Variants in COBLL1 observed in about 807,000 individuals in gnomAD.
The protein encoded by COBLL1 is cordon-bleu WH2 repeat protein like 1.
In COBLL1, 50 loss-of-function variants were observed where a neutral mutation model predicts 94.8. That is an observed-to-expected ratio of 0.53 (90% CI 0.42 to 0.67). COBLL1 has a LOEUF of 0.67. Ranked by LOEUF, COBLL1 falls within the 30% of genes least tolerant of loss-of-function variation. The probability of loss-of-function intolerance (pLI) is 0.00; values close to 1 mark genes in which losing one functional copy is unlikely to be tolerated. For synonymous variants in COBLL1, 448 were observed against 473.8 expected, an observed-to-expected ratio of 0.95 and a Z score of 0.71; for missense variants, 1,362 against 1,348.7, an observed-to-expected ratio of 1.01 and a Z score of -0.15.
At chr2:164,669,078 C>G (rs1355652994) in intron 1 of COBLL1, among the ~76,000 whole-genome samples, 1 of 152,184 alleles carries the variant, frequency 6.6e-6, no homozygotes, top group African/African-American at 2.4e-5. Flanking sequence ...GTTGACAGCA[C>G]TGATTGTTTA....
chr2:164,685,894 A>G lies in COBLL1; in HGVS notation c.*52T>C. ...ACATTTGCCAAAATGTTCCATTAGT[A>G]TGAAGTTGGTCTGAAGTGGAAGTGA... On this transcript the variant is annotated 3_prime_UTR_variant, in exon 14 of 14. Transcript: ENST00000652658. The G allele has an allele frequency of 1.0e-6, 1 of 994,610 alleles. No homozygotes were observed. The highest frequency in any genetic ancestry group is 2.0e-5 in the Admixed American group (1 of 51,260). 61.6% of individuals were successfully genotyped at this position (994,610 alleles called of 1,614,324 possible).
At chr2:164,789,348 G>T (rs1429165295) in intron 2 of COBLL1, among the ~76,000 whole-genome samples, 1 of 152,146 alleles carries the variant, frequency 6.6e-6, no homozygotes, top group Admixed American at 6.5e-5. Context: ...GAGTGGTCAT[G>T]TGTGTTTAGC....
rs931980844 is a variant in COBLL1, at chr2:164,685,532, T to C, written c.*414A>G. 6.5e-6 allele frequency: 1 copy of C among 153,520 alleles called. No individual in the cohort carries two copies. The highest frequency in any genetic ancestry group is 1.5e-5 in the Non-Finnish European group (1 of 68,712). The allele number at this position is 153,520 out of a possible 1,614,324, so 9.5% of individuals were successfully genotyped here. A position where few individuals can be genotyped will look rare whatever the true frequency, so the allele number is the denominator to read the frequency against. On this transcript the variant is annotated 3_prime_UTR_variant, in exon 14 of 14. Coordinates refer to ENST00000652658, the MANE Select transcript of COBLL1 (RefSeq NM_001365672.2). ...ATAACTTATAAATATTTCCAATTGC[T>C]ACACTGAGGCAGCAAATGTCATATC...
chr2:164,659,587 A>T (rs901343412), intron 2 of COBLL1, among the ~76,000 whole-genome samples: 1 of 152,082 alleles, frequency 6.6e-6, no homozygotes, highest in Admixed American at 6.5e-5. Flanking sequence ...ACACAGTAAG[A>T]TCTCTTCCCT....
chr2:164,818,148 ATGTATACG>A (rs1199715463), intron 2 of COBLL1, among the ~76,000 whole-genome samples: 6 of 151,424 alleles, frequency 4.0e-5, no homozygotes, highest in African/African-American at 1.5e-4. Context: ...GTATATGTAC[ATGTATACG>A]TGTATGTATA....
chr2:164,800,013 T>C (rs926359288), intron 2 of COBLL1, among the ~76,000 whole-genome samples: 1 of 152,190 alleles, frequency 6.6e-6, no homozygotes, highest in Non-Finnish European at 1.5e-5. Context: ...ACATTCATGA[T>C]CTGGATTTAG....
At chr2:164,826,438 C>T (rs1685431383) in intron 2 of COBLL1, among the ~76,000 whole-genome samples, 2 of 152,144 alleles carry the variant, frequency 1.3e-5, no homozygotes, top group South Asian at 4.1e-4. Flanking sequence ...TAATGATGTC[C>T]ACATCACAGT....
At chr2:164,712,094 C>T (rs1044731042) in intron 7 of COBLL1, among the ~76,000 whole-genome samples, 44 of 152,120 alleles carry the variant, frequency 2.9e-4, no homozygotes, top group African/African-American at 1.0e-3. Context: ...GATTCAAAAT[C>T]CAACTAAATT....
At chr2:164,816,506 G>C (rs1684758012) in intron 2 of COBLL1, among the ~76,000 whole-genome samples, 1 of 152,140 alleles carries the variant, frequency 6.6e-6, no homozygotes, top group South Asian at 2.1e-4. Context: ...TAACCCTGCA[G>C]TGTATTAAGT....
At chr2:164,665,861 G>A (rs921233084) in exon 2 of COBLL1, 8 of 152,098 alleles carry the variant, frequency 5.3e-5, no homozygotes, top group African/African-American at 1.9e-4. Flanking sequence ...TGCCTTCAAG[G>A]AGAATGGGTA....
intron 2 of COBLL1, among the ~76,000 whole-genome samples, chr2:164,793,980 G>A (rs943209486): frequency 6.6e-6 from 1 of 152,120 alleles, no homozygotes; most frequent in Non-Finnish European, 1.5e-5. Flanking sequence ...TGGTTAAAAT[G>A]GCTTTTTACA....
intron 3 of COBLL1, among the ~76,000 whole-genome samples, chr2:164,734,309 A>C (rs1686180353): frequency 6.6e-6 from 1 of 152,154 alleles, no homozygotes; most frequent in Non-Finnish European, 1.5e-5. Context: ...ATATCTGCGG[A>C]AAGATAGCTT....
downstream of COBLL1, among the ~76,000 whole-genome samples, chr2:164,675,828 T>C (rs986436626): frequency 1.3e-5 from 2 of 152,158 alleles, no homozygotes; most frequent in Non-Finnish European, 2.9e-5. Flanking sequence ...ACCCTTTAAA[T>C]TGAAAGACAG....
chr2:164,666,098 T>G (rs1453319191), intron 1 of COBLL1, among the ~76,000 whole-genome samples: 1 of 152,230 alleles, frequency 6.6e-6, no homozygotes. Context: ...GAAACATCAC[T>G]ATGTATCCCA....
chr2:164,793,918 T>C (rs1245276753), intron 2 of COBLL1, among the ~76,000 whole-genome samples: 1 of 152,200 alleles, frequency 6.6e-6, no homozygotes, highest in Non-Finnish European at 1.5e-5. Flanking sequence ...AGATTAGGAA[T>C]GTGTATGTGT....
chr2:164,818,101 CACAT>C (rs1684869387), intron 2 of COBLL1, among the ~76,000 whole-genome samples: 1 of 150,826 alleles, frequency 6.6e-6, no homozygotes, highest in African/African-American at 2.4e-5. Flanking sequence ...TGTATATACA[CACAT>C]ATATACACGT....
chr2:164,742,351 T>C (rs1686644657), intron 3 of COBLL1, among the ~76,000 whole-genome samples: 1 of 152,036 alleles, frequency 6.6e-6, no homozygotes, highest in Non-Finnish European at 1.5e-5. Context: ...TGACTTTTTT[T>C]TTCTTATTTT....
intron 3 of COBLL1, among the ~76,000 whole-genome samples, chr2:164,733,208 T>C (rs990059795): frequency 6.6e-6 from 1 of 152,220 alleles, no homozygotes; most frequent in East Asian, 1.9e-4. Flanking sequence ...ACAATTTGAT[T>C]CCTTGTGTAG....
At position 164,681,954 on chromosome 2, in the gene COBLL1, T is replaced by C. The variant is rs1032267727; in HGVS notation, c.*3992A>G. On this transcript the variant is annotated 3_prime_UTR_variant, in exon 14 of 14. Coordinates refer to ENST00000652658, the MANE Select transcript of COBLL1 (RefSeq NM_001365672.2). Reference sequence around the variant, plus strand: ...AGTCTAACATATTAAGGATGGAAATTTGCAGGAAAGTGGTAACATTTAAGA... The same window carrying C: ...AGTCTAACATATTAAGGATGGAAATCTGCAGGAAAGTGGTAACATTTAAGA... 1 of 152,170 alleles carries C rather than the reference T, an allele frequency of 6.6e-6. No individual in the cohort carries two copies. Among genetic ancestry groups the C allele is most frequent in the East Asian group, 1.9e-4 (1 of 5,194 alleles). The allele number at this position is 152,170 out of a possible 1,614,324, so 9.4% of individuals were successfully genotyped here.
Sources: gnomAD v4.1 joint callset for allele counts (sites outside exome capture counted in the v4.1 genomes callset) on GRCh38, gnomAD v4.1.1 for gene constraint, MANE v1.5 for transcripts, NCBI Gene and HGNC (gene_info 2026-07-23, HGNC 2026-07-21) for gene names.